The following XK variants were observed in gnomAD, a reference collection of about 807,000 sequenced individuals.
XK encodes the protein endoplasmic reticulum membrane adapter protein XK.
XK carries 2 observed loss-of-function variants against 14.0 expected under a neutral mutation model. That is an observed-to-expected ratio of 0.14 (90% CI 0.06 to 0.45). XK has a LOEUF of 0.45. Ranked by LOEUF, XK falls within the 20% of genes least tolerant of loss-of-function variation. The pLI, the probability that XK is intolerant of heterozygous loss-of-function variation, is 0.98. For synonymous variants in XK, 149 were observed against 147.5 expected, an observed-to-expected ratio of 1.01 and a Z score of -0.08; for missense variants, 235 against 341.5, an observed-to-expected ratio of 0.69 and a Z score of 2.46.
intron 1 of XK, among the ~76,000 whole-genome samples, chrX:37,688,525 G>A (rs1927142866): frequency 1.8e-5 from 2 of 111,876 alleles, no homozygotes; most frequent in South Asian, 3.7e-4. Context: ...TGACATAGAC[G>A]TAATTGTCCC....
At chrX:37,711,537 A>G (rs782463795) in intron 2 of XK, among the ~76,000 whole-genome samples, 1 of 112,191 alleles carries the variant, frequency 8.9e-6, no homozygotes, top group South Asian at 3.7e-4. Flanking sequence ...CAATTTACAC[A>G]ATCCTTTGTG....
Position 37,728,554 on chromosome X carries a change from G to A in XK, c.*92G>A. On this transcript the variant is annotated 3_prime_UTR_variant, in exon 3 of 3. Transcript: ENST00000378616. ...TAATGAGCCCTACACAGGGAACAAG[G>A]CAGGAAGTTAGCTGTTAACTCCTTG... is the stretch of plus-strand genomic sequence containing the variant. 1 of 955,981 alleles carries A rather than the reference G, an allele frequency of 1.0e-6. No individual in the cohort carries two copies. Among genetic ancestry groups the A allele is most frequent in the Non-Finnish European group, 1.5e-6 (1 of 678,278 alleles). 78.8% of individuals were successfully genotyped at this position (955,981 alleles called of 1,213,427 possible).
chrX:37,688,045 TTCTTTCTTTCTTTC>T (rs1191277258), intron 1 of XK, among the ~76,000 whole-genome samples: 2 of 71,617 alleles, frequency 2.8e-5, no homozygotes, highest in African/African-American at 7.5e-5. Context: ...CTTTCTTTCT[TTCTTTCTTTCTTTC>T]TTTTTTTTTT....
chrX:37,693,832 G>T (rs1556441996), intron 1 of XK, among the ~76,000 whole-genome samples: 2 of 111,838 alleles, frequency 1.8e-5, no homozygotes. Context: ...ATGCATGCAT[G>T]CAGTCACACT....
chrX:37,716,349 T>A (rs1569474915), intron 2 of XK, among the ~76,000 whole-genome samples: 1 of 111,616 alleles, frequency 9.0e-6, no homozygotes, highest in Non-Finnish European at 1.9e-5. Context: ...AACATGACCA[T>A]AAAATAAGAA....
chrX:37,688,964 T>G (rs782794177), intron 1 of XK, among the ~76,000 whole-genome samples: 2 of 112,159 alleles, frequency 1.8e-5, no homozygotes, highest in African/African-American at 3.2e-5. Flanking sequence ...ACCATAAAAA[T>G]ATTTTAACTT....
intron 2 of XK, among the ~76,000 whole-genome samples, chrX:37,720,407 A>C (rs1927846907): frequency 9.0e-6 from 1 of 110,975 alleles, no homozygotes; most frequent in African/African-American, 3.3e-5. Context: ...TTGCTTTTTG[A>C]TGCCTTTTTT....
At chrX:37,718,679 C>T (rs1284158645) in intron 2 of XK, among the ~76,000 whole-genome samples, 1 of 111,944 alleles carries the variant, frequency 8.9e-6, no homozygotes, top group Non-Finnish European at 1.9e-5. Context: ...ATTTTACACT[C>T]CCATAAGCAG....
chrX:37,692,268 T>C (rs782315410), intron 1 of XK, among the ~76,000 whole-genome samples: 2 of 111,350 alleles, frequency 1.8e-5, no homozygotes, highest in East Asian at 5.6e-4. Context: ...TGTGCATATG[T>C]CCCACTATCC....
intron 2 of XK, among the ~76,000 whole-genome samples, chrX:37,705,173 T>C (rs181674288): frequency 1.3e-3 from 140 of 110,678 alleles, no homozygotes; most frequent in African/African-American, 3.6e-3. Context: ...AAGCCAGGCG[T>C]GGTAGCTCAC....
intron 2 of XK, among the ~76,000 whole-genome samples, chrX:37,694,955 T>C (rs979533366): frequency 9.0e-6 from 1 of 111,709 alleles, no homozygotes; most frequent in Non-Finnish European, 1.9e-5. Context: ...CTTCCAAGGG[T>C]GAGTGTTCTA....
intron 2 of XK, among the ~76,000 whole-genome samples, chrX:37,707,695 G>A (rs781788652): frequency 2.7e-5 from 3 of 110,922 alleles, no homozygotes; most frequent in Admixed American, 9.4e-5. Flanking sequence ...GATGGCGGCC[G>A]GGAAGAGGCG....
intron 2 of XK, among the ~76,000 whole-genome samples, chrX:37,726,832 C>T (rs1927984304): frequency 1.8e-5 from 2 of 112,024 alleles, no homozygotes; most frequent in Admixed American, 9.5e-5. Flanking sequence ...TTCAGCTCCC[C>T]ACAGAATTTA....
chrX:37,696,872 G>T (rs1189914860), intron 2 of XK, among the ~76,000 whole-genome samples: 1 of 111,944 alleles, frequency 8.9e-6, no homozygotes, highest in Non-Finnish European at 1.9e-5. Flanking sequence ...AGGAAGAAGG[G>T]CTGAAGAAGG....
chrX:37,688,781 A>G (rs190494029), intron 1 of XK, among the ~76,000 whole-genome samples: 14 of 112,041 alleles, frequency 1.2e-4, no homozygotes, highest in African/African-American at 4.5e-4. Context: ...AAAGCTAATG[A>G]CATAATATAT....
intron 2 of XK, among the ~76,000 whole-genome samples, chrX:37,709,343 C>G (rs1311007909): frequency 3.6e-5 from 4 of 111,928 alleles, no homozygotes; most frequent in African/African-American, 1.3e-4. Flanking sequence ...AACCTCATTA[C>G]TATGGAACTA....
In XK at chrX:37,728,480, G is replaced by C; in HGVS notation, c.*18G>C. The C allele has an allele frequency of 8.4e-7, 1 of 1,189,867 alleles. No individual in the cohort carries two copies. The highest frequency in any genetic ancestry group is 1.1e-6 in the Non-Finnish European group (1 of 880,444). On this transcript the variant is annotated 3_prime_UTR_variant, in exon 3 of 3. Transcript: ENST00000378616. ...CTGCTTAATGGGACCCAAGGTCTCA[G>C]AGCACAGGCATATTATTTTCTGGGT... is the stretch of plus-strand genomic sequence containing the variant.
At chrX:37,702,237 C>T (rs1217689325) in intron 2 of XK, among the ~76,000 whole-genome samples, 1 of 111,143 alleles carries the variant, frequency 9.0e-6, no homozygotes, top group Admixed American at 9.6e-5. Context: ...GAGTGCTCCA[C>T]GGCGCTCCCT....
At chrX:37,715,571 T>A (rs1927751105) in intron 2 of XK, among the ~76,000 whole-genome samples, 1 of 111,909 alleles carries the variant, frequency 8.9e-6, no homozygotes, top group African/African-American at 3.2e-5. Context: ...GCAGGCCATC[T>A]ATGGTCTGTG....
Sources: allele counts gnomAD v4.1 joint callset (sites outside exome capture counted in the v4.1 genomes callset), GRCh38; gene constraint gnomAD v4.1.1; transcripts MANE v1.5; gene names NCBI Gene and HGNC (gene_info 2026-07-23, HGNC 2026-07-21).